ARHGEF10L: variants seen among roughly 807,000 people sequenced by gnomAD.
ARHGEF10L encodes Rho guanine nucleotide exchange factor 10 like.
ARHGEF10L carries 69 observed loss-of-function variants against 141.2 expected under a neutral mutation model. The ratio of observed to expected loss-of-function variants is 0.49; its 90% CI spans 0.40 to 0.60. The LOEUF is 0.60. Ranked by LOEUF, ARHGEF10L falls within the 20% of genes least tolerant of loss-of-function variation. The pLI is 0.00. For synonymous variants in ARHGEF10L, 711 were observed against 718.5 expected (o/e 0.99, Z 0.17); for missense variants, 1,482 against 1,734.3 (o/e 0.85, Z 2.58).
chr1:17,638,583 C>T lies in ARHGEF10L; in HGVS notation c.2065C>T (p.Gln689Ter). The change falls in exon 20 of 29, where the codon CAA (glutamine) becomes TAA (stop). Residue 689 changes from glutamine (Q) to a stop codon, truncating the protein, a stop_gained. Coordinates refer to ENST00000361221, the MANE Select transcript of ARHGEF10L (RefSeq NM_018125.4). LOFTEE classifies it high-confidence loss of function. ...TYQNLNMTVA[Q>*]DWCLALQRLM... is the part of the protein sequence containing the mutation. ...CTAGAACCTGAACATGACTGTGGCT[C>T]AAGACTGGTGCCTGGCCCTGCAGAG... is the stretch of plus-strand genomic sequence containing the variant. 1 of 1,614,152 alleles carries T rather than the reference C, an allele frequency of 6.2e-7. No homozygotes were observed. Among genetic ancestry groups the T allele is most frequent in the Non-Finnish European group, 8.5e-7 (1 of 1,180,032 alleles).
rs182897602 is a variant in ARHGEF10L, at chr1:17,633,245, G to A, written c.1730+779G>A. On this transcript the variant is annotated intron_variant, in intron 16 of 28. Transcript: ENST00000361221. ...CTCGCATCCCCTGCTTGGTCCTGCA[G>A]GGGACCCTGTATCAAATACTCCCTG... is the stretch of plus-strand genomic sequence containing the variant. Among the ~76,000 whole-genome samples the A allele has an allele frequency of 5.9e-5, 9 of 152,350 alleles. No homozygotes were observed. The East Asian group carries it at 1.7e-3, about 29-fold the overall frequency.
intron 26 of ARHGEF10L, 48 bp from the exon 27 acceptor site, chr1:17,687,525 C>T (rs2064707288): frequency 6.2e-7 from 1 of 1,603,786 alleles, no homozygotes; most frequent in South Asian, 1.1e-5. Flanking sequence ...TAGGGAGGCT[C>T]AGCTGGCAGG....
intron 1 of ARHGEF10L, among the ~76,000 whole-genome samples, chr1:17,571,592 A>G (rs2078002352): frequency 6.6e-6 from 1 of 152,070 alleles, no homozygotes; most frequent in African/African-American, 2.4e-5. Flanking sequence ...GGAGTGCAGT[A>G]GTGCGATCTT....
Position 17,613,107 on chromosome 1 carries a change from G to C in ARHGEF10L, c.659G>C (p.Arg220Thr), listed in dbSNP as rs1456799432. Residue 220 changes from arginine (R) to threonine (T), a missense_variant, in exon 8 of 29, where the codon AGA (arginine) becomes ACA (threonine). Physicochemically the swap from Arg to Thr is moderately conservative, Grantham distance 71 (BLOSUM62 -1). This residue lies in a region of ARHGEF10L where 392 missense variants were observed against 542.1 expected (regional missense o/e 0.72). Coordinates refer to ENST00000361221, the MANE Select transcript of ARHGEF10L (RefSeq NM_018125.4). ...RLKERYARTK[R>T]DILALRVGGR... is the part of the protein sequence containing the mutation. ...AAGGAGAGATACGCCAGGACTAAGA[G>C]AGACATCTTGGCTTTGAGAGTTGGG... 6.2e-7 allele frequency: 1 copy of C among 1,613,986 alleles called. No homozygotes were observed. The highest frequency in any genetic ancestry group is 2.2e-5 in the East Asian group (1 of 44,896).
rs144578383 is a variant in ARHGEF10L, at chr1:17,584,087, C to T, written c.38-3373C>T. Among the ~76,000 whole-genome samples, 212 of 152,244 alleles carry T rather than the reference C, an allele frequency of 1.4e-3. 1 individual carries two copies. The highest frequency in any genetic ancestry group is 4.7e-3 in the African/African-American group (197 of 41,530). On this transcript the variant is annotated intron_variant, in intron 2 of 28. Transcript: ENST00000361221. The stretch of plus-strand genomic sequence containing the variant: ...TGAGACAGAGTCTCGCTTTGTCACC[C>T]AGGCTGGGGTGCAGTGGCACAATCA...
At chr1:17,637,728 T>C (rs555595339) in intron 18 of ARHGEF10L, among the ~76,000 whole-genome samples, 160 bp from the exon 19 acceptor site, 1 of 152,294 alleles carries the variant, frequency 6.6e-6, no homozygotes, top group Non-Finnish European at 1.5e-5. Context: ...ATGGTCTCGA[T>C]CTCCTGACCT....
At chr1:17,665,152 A>C (rs548846832) in intron 26 of ARHGEF10L, among the ~76,000 whole-genome samples, 2 of 152,180 alleles carry the variant, frequency 1.3e-5, no homozygotes, top group Admixed American at 1.3e-4. Flanking sequence ...CCTGCAGTCC[A>C]TCCTGGGCGG....
At chr1:17,584,493 C>T (rs1317108125) in intron 2 of ARHGEF10L, among the ~76,000 whole-genome samples, 1 of 152,042 alleles carries the variant, frequency 6.6e-6, no homozygotes, top group Non-Finnish European at 1.5e-5. Flanking sequence ...CCTCGTGAAG[C>T]TTATATTCGA....
At chr1:17,579,687 G>A (rs963044770) in intron 1 of ARHGEF10L, among the ~76,000 whole-genome samples, 3 of 152,200 alleles carry the variant, frequency 2.0e-5, no homozygotes, top group Admixed American at 6.5e-5. Flanking sequence ...GAACACAGCC[G>A]GTTTGTGGCC....
intron 18 of ARHGEF10L, among the ~76,000 whole-genome samples, chr1:17,636,924 C>A (rs1229810730): frequency 6.6e-6 from 1 of 152,098 alleles, no homozygotes; most frequent in Non-Finnish European, 1.5e-5. Context: ...CCCATCTGGT[C>A]CTCCTGGACC....
intron 9 of ARHGEF10L, chr1:17,618,262 A>ACCCCCCC: frequency 1.5e-6 from 1 of 684,250 alleles, no homozygotes; most frequent in Non-Finnish European, 2.2e-6. Context: ...AGCCCTCCCC[A>ACCCCCCC]CCCCGCCCAC....
intron 1 of ARHGEF10L, among the ~76,000 whole-genome samples, chr1:17,569,964 G>T (rs1161519561): frequency 6.6e-6 from 1 of 152,210 alleles, no homozygotes; most frequent in African/African-American, 2.4e-5. Flanking sequence ...TTCCACTCTG[G>T]TTTTGGGGAA....
At chr1:17,672,874 GGGCCT>G (rs1298574366) in intron 26 of ARHGEF10L, among the ~76,000 whole-genome samples, 1 of 152,104 alleles carries the variant, frequency 6.6e-6, no homozygotes, top group East Asian at 1.9e-4. Context: ...TTGCAAACTC[GGGCCT>G]GGAGGGGGTG....
Position 17,607,830 on chromosome 1 carries a change from T to A in ARHGEF10L, c.462T>A (p.Asp154Glu). ...PGAERNLLYE[D>E]AHRAGAPRQA... Reference sequence around the variant, plus strand: ...CAGAGAGGAACCTGCTCTACGAGGATGCGCACCGGGCTGGGGCCCCTCGGC... The same window carrying A: ...CAGAGAGGAACCTGCTCTACGAGGAAGCGCACCGGGCTGGGGCCCCTCGGC... The change falls in exon 7 of 29, where the codon GAT (aspartate) becomes GAA (glutamate). Residue 154 changes from aspartate to glutamate, a missense_variant. Asp to Glu is a conservative substitution (Grantham distance 45, BLOSUM62 2). Around this residue, in one of 3 missense-constraint regions of ARHGEF10L, gnomAD observed 232 missense variants for 225.9 expected, o/e 1.03. Transcript: ENST00000361221. The surrounding 1 kb of genome is among the most constrained non-coding windows in gnomAD (Gnocchi z 4.5). 6.3e-7 allele frequency: 1 copy of A among 1,593,068 alleles called. No homozygotes were observed. The highest frequency in any genetic ancestry group is 1.4e-5 in the African/African-American group (1 of 73,224).
the ARHGEF10L span, among the ~76,000 whole-genome samples, chr1:17,526,637 C>T: frequency 1.3e-5 from 2 of 152,198 alleles, no homozygotes; most frequent in African/African-American, 2.4e-5. Flanking sequence ...GGCACAGTCA[C>T]TCACACCTGT....
intron 4 of ARHGEF10L, among the ~76,000 whole-genome samples, chr1:17,588,902 TGG>T (rs2079285775): frequency 5.1e-4 from 1 of 1,944 alleles, no homozygotes; most frequent in African/African-American, 3.2e-3. Context: ...GTGTGTGTAG[TGG>T]GGGAGGTTGG....
rs1270980575 is a variant in ARHGEF10L, at chr1:17,651,252, C to T, written c.2394+2577C>T. Among the ~76,000 whole-genome samples the T allele has an allele frequency of 3.3e-5, 5 of 152,212 alleles. No individual in the cohort carries two copies. The East Asian group carries it at 5.8e-4, about 18-fold the overall frequency. On this transcript the variant is annotated intron_variant, in intron 22 of 28. Transcript: ENST00000361221. Reference sequence around the variant, plus strand: ...TAGTCCTGGCCCTGGTGGAGGCCGTCGGCAAGGGAGGTGGACACATTGGGG... The same window carrying T: ...TAGTCCTGGCCCTGGTGGAGGCCGTTGGCAAGGGAGGTGGACACATTGGGG...
At chr1:17,553,190 C>T (rs2077180790) in intron 1 of ARHGEF10L, among the ~76,000 whole-genome samples, 4 of 152,200 alleles carry the variant, frequency 2.6e-5, no homozygotes, top group Admixed American at 2.6e-4. Flanking sequence ...GACTGGGAGC[C>T]AGTTGCCTGG....
At chr1:17,522,275 G>A in the ARHGEF10L span, among the ~76,000 whole-genome samples, 1 of 152,238 alleles carries the variant, frequency 6.6e-6, no homozygotes, top group Non-Finnish European at 1.5e-5. Flanking sequence ...GGTGGTTAAT[G>A]AGGGCAGCGC....
Sources: gnomAD v4.1 joint callset for allele counts (sites outside exome capture counted in the v4.1 genomes callset) on GRCh38, gnomAD v4.1.1 for gene constraint, gnomAD v4.1.1 regional missense constraint, Gnocchi (gnomAD v3.1) non-coding constraint, MANE v1.5 for transcripts, NCBI Gene and HGNC (gene_info 2026-07-23, HGNC 2026-07-21) for gene names.